The following OPRM1 variants were observed in gnomAD, a reference collection of about 807,000 sequenced individuals.
OPRM1 encodes the protein mu-type opioid receptor.
In OPRM1, 27 loss-of-function variants were observed where a neutral mutation model predicts 31.8. The observed-to-expected ratio is 0.85, with a 90% CI of 0.63 to 1.17. The LOEUF (loss-of-function observed/expected upper bound fraction) is 1.17, where lower values mean the gene tolerates loss of function less well. Among genes scored for constraint, OPRM1 ranks in the 50% most tolerant of loss-of-function variants. The pLI is 0.00. For synonymous variants in OPRM1, 196 were observed against 189.9 expected (o/e 1.03, Z -0.26); for missense variants, 536 against 511.1 (o/e 1.05, Z -0.47).
chr6:154,206,397 G>A (rs1161117994), intron 3 of OPRM1, among the ~76,000 whole-genome samples: 1 of 152,194 alleles, frequency 6.6e-6, no homozygotes, highest in Admixed American at 6.5e-5. Context: ...ATTTGCGGGG[G>A]TTGTGGATGA....
rs1031653190 is a variant in OPRM1 at position 154,039,612 on chromosome 6, C to CCCCAGCA, written c.75_81dup (p.Pro28ThrfsTer127). The CCCCAGCA allele has an allele frequency of 4.3e-6, 7 of 1,613,774 alleles. No individual in the cohort carries two copies. In the African/African-American group the frequency reaches 9.3e-5, roughly 22 times the overall value. ...GATGCCTTGGCGTACTCAAGTTGCTCCCCAGCACCCAGCCCCGGTTCCTGG... is the reference window on the plus strand; with the variant it reads ...GATGCCTTGGCGTACTCAAGTTGCTCCCCAGCACCCAGCACCCAGCCCCGGTTCCTGG... On this transcript the variant is annotated frameshift_variant, in exon 1 of 4. Coordinates refer to ENST00000330432, the MANE Select transcript of OPRM1 (RefSeq NM_000914.5). LOFTEE classifies it high-confidence loss of function.
chr6:154,089,675 T>G, intron 1 of OPRM1, 151 bp from the exon 2 acceptor site: 1 of 609,398 alleles, frequency 1.6e-6, no homozygotes, highest in Non-Finnish European at 2.9e-6. Context: ...TTGACATCAT[T>G]GTAAATAGCC....
intron 1 of OPRM1, among the ~76,000 whole-genome samples, chr6:154,086,160 G>A (rs1790511453): frequency 6.6e-6 from 1 of 152,098 alleles, no homozygotes; most frequent in Non-Finnish European, 1.5e-5. Flanking sequence ...TTTCTGATTA[G>A]ACCATCTCTT....
chr6:154,213,039 C>G, intron 3 of OPRM1: 2 of 569,158 alleles, frequency 3.5e-6, no homozygotes, highest in Non-Finnish European at 6.3e-6. Context: ...AAACAAATGG[C>G]CAATTCGGGG....
At chr6:154,109,790 C>CTGTGTGTGTGTG (rs1175778241) in intron 3 of OPRM1, among the ~76,000 whole-genome samples, 13 of 76,978 alleles carry the variant, frequency 1.7e-4, no homozygotes, top group African/African-American at 5.6e-4. Flanking sequence ...CTCTCTCTCT[C>CTGTGTGTGTGTG]TCTGTGTGTG....
chr6:154,117,495 C>A (rs1189521544), intron 3 of OPRM1, among the ~76,000 whole-genome samples: 1 of 152,124 alleles, frequency 6.6e-6, no homozygotes, highest in Non-Finnish European at 1.5e-5. Context: ...CAAGGCAATA[C>A]GATGGGACCA....
rs188282069 is a variant in OPRM1, at chr6:154,130,864, A to G, written c.*12143A>G. ...TCACTAAGTCATCCTTCCCCTGGCA[A>G]TACATTTCCTGAACTTTTACATACT... On this transcript the variant is annotated 3_prime_UTR_variant, in exon 4 of 4. Coordinates refer to ENST00000330432, the MANE Select transcript of OPRM1 (RefSeq NM_000914.5). 8.5e-5 allele frequency among the ~76,000 whole-genome samples: 13 copies of G among 152,250 alleles called. No homozygotes were observed. In the East Asian group the frequency reaches 2.5e-3, roughly 29 times the overall value.
chr6:154,164,516 C>G (rs1440539354), intron 3 of OPRM1, among the ~76,000 whole-genome samples: 1 of 152,208 alleles, frequency 6.6e-6, no homozygotes, highest in African/African-American at 2.4e-5. Context: ...GCGCATGAGG[C>G]TTTTGGAGGG....
At chr6:154,193,887 CA>C (rs1776366688) in intron 3 of OPRM1, among the ~76,000 whole-genome samples, 1 of 152,170 alleles carries the variant, frequency 6.6e-6, no homozygotes, top group Admixed American at 6.5e-5. Context: ...AAAAAGTGCT[CA>C]AAAAACTGTT....
chr6:154,141,344 G>T (rs762773103), intron 3 of OPRM1, among the ~76,000 whole-genome samples: 117 of 152,260 alleles, frequency 7.7e-4, no homozygotes, highest in Non-Finnish European at 1.4e-3. Context: ...CCCTAGGTCT[G>T]TCATGCCAAA....
intron 3 of OPRM1, among the ~76,000 whole-genome samples, chr6:154,204,892 C>A (rs1777362988): frequency 6.6e-6 from 1 of 152,206 alleles, no homozygotes; most frequent in Non-Finnish European, 1.5e-5. Context: ...CCTAAGGACT[C>A]CTCCACCTGC....
intron 3 of OPRM1, chr6:154,214,123 C>A: frequency 1.2e-6 from 1 of 824,178 alleles, no homozygotes; most frequent in South Asian, 1.4e-5. Flanking sequence ...TCCTCAGGAT[C>A]AGACTATACA....
intron 3 of OPRM1, among the ~76,000 whole-genome samples, chr6:154,144,179 T>A (rs1391131614): frequency 2.0e-5 from 3 of 152,220 alleles, no homozygotes; most frequent in Non-Finnish European, 4.4e-5. Flanking sequence ...TTTGTTATTT[T>A]AAAATTCTCA....
chr6:154,173,737 GA>G lies in OPRM1; in HGVS notation c.1165-72952del, dbSNP rs1207874524. Among the ~76,000 whole-genome samples, 12 of 152,240 alleles carry G rather than the reference GA, an allele frequency of 7.9e-5. No individual in the cohort carries two copies. The East Asian group carries it at 2.3e-3, about 29-fold the overall frequency. On this transcript the variant is annotated intron_variant, in intron 3 of 3. Transcript: ENST00000337049. ...TGACGGGGAGAATGGGACCAAATTG[GA>G]AAACACTCTTCAGGATATTATCCAG...
chr6:154,212,765 C>T (rs1460440450), intron 3 of OPRM1: 2 of 1,595,112 alleles, frequency 1.3e-6, no homozygotes, highest in Non-Finnish European at 1.7e-6. Context: ...TATGTCGGTA[C>T]ATACCAAAGA....
intron 3 of OPRM1, among the ~76,000 whole-genome samples, chr6:154,175,024 C>T (rs1231785387): frequency 1.3e-5 from 2 of 152,070 alleles, no homozygotes; most frequent in Non-Finnish European, 2.9e-5. Context: ...AAACTCACTC[C>T]AAACTGCACA....
At chr6:154,207,556 G>A (rs1777604321) in intron 3 of OPRM1, among the ~76,000 whole-genome samples, 1 of 105,000 alleles carries the variant, frequency 9.5e-6, no homozygotes, top group Admixed American at 8.6e-5. Flanking sequence ...TAAACTTTTT[G>A]GGGTTTTTTT....
Position 154,039,281 on chromosome 6 carries a change from C to G in OPRM1, c.-264C>G. The G allele has an allele frequency of 1.3e-6, 2 of 1,551,540 alleles. No homozygotes were observed. Among genetic ancestry groups the G allele is most frequent in the Non-Finnish European group, 1.7e-6 (2 of 1,146,918 alleles). Reference sequence around the variant, plus strand: ...CTCCGAATCCCGCATGGCCCACGCTCCCCTCCTGCAGCGGTGCGGGGCAGG... The same window carrying G: ...CTCCGAATCCCGCATGGCCCACGCTGCCCTCCTGCAGCGGTGCGGGGCAGG... On this transcript the variant is annotated 5_prime_UTR_variant, in exon 1 of 4. Transcript: ENST00000330432.
chr6:154,087,352 A>G, intron 1 of OPRM1: 1 of 985,428 alleles, frequency 1.0e-6, no homozygotes, highest in Non-Finnish European at 1.2e-6. Flanking sequence ...TCCAACCAAC[A>G]GCTGTCTTGG....
Sources: gnomAD v4.1 joint callset for allele counts (sites outside exome capture counted in the v4.1 genomes callset) on GRCh38, gnomAD v4.1.1 for gene constraint, MANE v1.5 for transcripts, NCBI Gene and HGNC (gene_info 2026-07-23, HGNC 2026-07-21) for gene names.